OPCML: variants seen among roughly 807,000 people sequenced by gnomAD.
The protein encoded by OPCML is opioid-binding protein/cell adhesion molecule.
Under a neutral mutation model 37.8 loss-of-function variants are expected in OPCML, and 13 were observed. The ratio of observed to expected loss-of-function variants is 0.34; its 90% CI spans 0.22 to 0.55. The LOEUF is 0.55. Among genes scored for constraint, OPCML ranks in the 20% least tolerant of loss-of-function variants. The pLI is 0.91. For synonymous variants in OPCML, 176 were observed against 168.8 expected (o/e 1.04, Z -0.33); for missense variants, 341 against 435.6 (o/e 0.78, Z 1.93).
At chr11:133,020,457 C>A (rs1233859340) in intron 1 of OPCML, among the ~76,000 whole-genome samples, 1 of 152,122 alleles carries the variant, frequency 6.6e-6, no homozygotes, top group Non-Finnish European at 1.5e-5. Context: ...GTGGATTATC[C>A]CAGTTCAGAA....
intron 1 of OPCML, among the ~76,000 whole-genome samples, chr11:133,092,571 C>G (rs796685389): frequency 6.6e-6 from 1 of 151,952 alleles, no homozygotes; most frequent in African/African-American, 2.4e-5. Context: ...ACTAAAAATA[C>G]AAAAATTAGC....
intron 1 of OPCML, among the ~76,000 whole-genome samples, chr11:133,136,913 T>G (rs1421124998): frequency 2.7e-5 from 4 of 150,614 alleles, no homozygotes; most frequent in African/African-American, 9.8e-5. Context: ...TGGGGGTATT[T>G]TAGGGAATAT....
intron 4 of OPCML, among the ~76,000 whole-genome samples, chr11:132,518,264 C>G (rs1472903975): frequency 6.6e-6 from 1 of 152,062 alleles, no homozygotes; most frequent in African/African-American, 2.4e-5. Context: ...GTGTGTTGTT[C>G]CCTTCACTGT....
chr11:132,744,763 A>G (rs1245337598), intron 2 of OPCML, among the ~76,000 whole-genome samples: 1 of 152,246 alleles, frequency 6.6e-6, no homozygotes, highest in Non-Finnish European at 1.5e-5. Context: ...GTACAAAGGG[A>G]GCAAATAAAT....
chr11:133,279,891 G>C (rs1487755647), intron 1 of OPCML, among the ~76,000 whole-genome samples: 7 of 152,130 alleles, frequency 4.6e-5, no homozygotes, highest in Non-Finnish European at 1.0e-4. Flanking sequence ...ACTGGTGCAG[G>C]AGTTAATTGG....
intron 3 of OPCML, among the ~76,000 whole-genome samples, chr11:132,538,351 T>C (rs1033528994): frequency 2.0e-5 from 3 of 152,088 alleles, no homozygotes; most frequent in African/African-American, 4.8e-5. Context: ...ATATCCAGAA[T>C]AGTAAAATCC....
At chr11:133,011,921 G>A (rs1488030263) in intron 1 of OPCML, among the ~76,000 whole-genome samples, 2 of 152,232 alleles carry the variant, frequency 1.3e-5, no homozygotes, top group African/African-American at 2.4e-5. Context: ...TGCTGCCATT[G>A]TAGGTCAAAA....
intron 3 of OPCML, among the ~76,000 whole-genome samples, chr11:132,653,131 C>A (rs1011478919): frequency 6.6e-6 from 1 of 152,202 alleles, no homozygotes; most frequent in Admixed American, 6.5e-5. Flanking sequence ...TGTTGTTTAT[C>A]TCTAGACCTC....
intron 1 of OPCML, among the ~76,000 whole-genome samples, chr11:133,254,990 A>G (rs2136442596): frequency 6.6e-6 from 1 of 152,374 alleles, no homozygotes; most frequent in Admixed American, 6.5e-5. Context: ...CTTGATTCAA[A>G]GACATGCTAG....
intron 1 of OPCML, among the ~76,000 whole-genome samples, chr11:133,295,211 G>A (rs989071818): frequency 7.9e-5 from 12 of 152,116 alleles, no homozygotes; most frequent in South Asian, 2.1e-4. Context: ...AGTAAAGAAC[G>A]TCTAGTTAAT....
At chr11:133,477,773 T>G (rs553870681) in intron 1 of OPCML, among the ~76,000 whole-genome samples, 1 of 152,260 alleles carries the variant, frequency 6.6e-6, no homozygotes, top group South Asian at 2.1e-4. Flanking sequence ...GGGGAGAACA[T>G]TTATAACTTT....
intron 3 of OPCML, among the ~76,000 whole-genome samples, chr11:132,589,897 G>A: frequency 6.6e-6 from 1 of 152,168 alleles, no homozygotes; most frequent in East Asian, 1.9e-4. Flanking sequence ...TACAGTCTAA[G>A]CATCATATGC....
rs2096316628 is a variant in OPCML at position 132,529,096 on chromosome 11, T to C, written c.470A>G (p.Glu157Gly). 1 of 1,613,276 alleles carries C rather than the reference T, an allele frequency of 6.2e-7. No homozygotes were observed. The highest frequency in any genetic ancestry group is 8.5e-7 in the Non-Finnish European group (1 of 1,179,540). Residue 157 changes from glutamate (E) to glycine (G), a missense_variant, in exon 4 of 8, where the codon GAG becomes GGG. By Grantham distance (98) the Glu-to-Gly change is moderately conservative (BLOSUM62 -2). Coordinates refer to ENST00000524381, the MANE Select transcript of OPCML (RefSeq NM_001012393.5). ...TLLCLAIGRPEPTVTWRHLSV... is the reference protein window; with the variant it reads ...TLLCLAIGRPGPTVTWRHLSV... ...CAGGTGTCTCCATGTCACAGTTGGC[T>C]CTGGTCTGCCAATAGCAAGACACAG...
At chr11:132,994,002 G>A (rs1473737805) in intron 1 of OPCML, among the ~76,000 whole-genome samples, 5 of 152,196 alleles carry the variant, frequency 3.3e-5, no homozygotes, top group Non-Finnish European at 7.3e-5. Flanking sequence ...CTCCACCTCC[G>A]CAGGGAGACG....
chr11:132,936,413 A>G, intron 2 of OPCML, among the ~76,000 whole-genome samples: 1 of 152,226 alleles, frequency 6.6e-6, no homozygotes, highest in East Asian at 1.9e-4. Flanking sequence ...GGCTGTTAAT[A>G]GGGATTGTAA....
intron 2 of OPCML, among the ~76,000 whole-genome samples, chr11:132,698,105 C>G (rs1943668213): frequency 6.6e-6 from 1 of 151,828 alleles, no homozygotes; most frequent in Non-Finnish European, 1.5e-5. Flanking sequence ...GCTGGGATTA[C>G]AGATGTGGGC....
intron 2 of OPCML, among the ~76,000 whole-genome samples, chr11:132,728,100 A>G (rs948695302): frequency 2.0e-5 from 3 of 152,260 alleles, no homozygotes; most frequent in Admixed American, 2.0e-4. Flanking sequence ...GTGAAAGACG[A>G]AAACGTGTGC....
intron 4 of OPCML, among the ~76,000 whole-genome samples, chr11:132,511,366 T>C (rs1441113688): frequency 6.6e-6 from 1 of 152,136 alleles, no homozygotes; most frequent in Non-Finnish European, 1.5e-5. Flanking sequence ...ACATATAATT[T>C]AAATGCATTC....
At chr11:132,704,162 G>A (rs1457726902) in intron 2 of OPCML, among the ~76,000 whole-genome samples, 2 of 152,136 alleles carry the variant, frequency 1.3e-5, no homozygotes, top group Non-Finnish European at 2.9e-5. Flanking sequence ...TTTAGTGCTT[G>A]TGTCTACAGG....
Sources: gnomAD v4.1 joint callset for allele counts (sites outside exome capture counted in the v4.1 genomes callset) on GRCh38, gnomAD v4.1.1 for gene constraint, MANE v1.5 for transcripts, NCBI Gene and HGNC (gene_info 2026-07-23, HGNC 2026-07-21) for gene names.